The following NKAIN3 variants were observed in gnomAD, a reference collection of about 807,000 sequenced individuals.
NKAIN3 encodes the protein sodium/potassium-transporting ATPase subunit beta-1-interacting protein 3.
A neutral mutation model predicts 30.2 loss-of-function variants in NKAIN3; 25 were observed. The ratio of observed to expected loss-of-function variants is 0.83; its 90% CI spans 0.60 to 1.16. The LOEUF is 1.16. Ranked by LOEUF, NKAIN3 falls within the 50% of genes most tolerant of loss-of-function variation. The pLI, the probability that NKAIN3 is intolerant of heterozygous loss-of-function variation, is 0.00. For missense variants in NKAIN3, 225 were observed against 254.1 expected, an observed-to-expected ratio of 0.89 and a Z score of 0.78; for synonymous variants, 91 against 89.6, an observed-to-expected ratio of 1.02 and a Z score of -0.09.
At chr8:62,486,662 G>T (rs1415355817) in intron 1 of NKAIN3, among the ~76,000 whole-genome samples, 1 of 152,164 alleles carries the variant, frequency 6.6e-6, no homozygotes, top group Non-Finnish European at 1.5e-5. Context: ...CTAACACACA[G>T]AGAAAACTTC....
intron 1 of NKAIN3, among the ~76,000 whole-genome samples, chr8:62,448,341 A>G (rs2129598683): frequency 6.6e-6 from 1 of 151,788 alleles, no homozygotes; most frequent in African/African-American, 2.4e-5. Context: ...TATTACGGAA[A>G]ACTTTTAGTT....
At chr8:62,286,212 A>G (rs1007561428) in intron 1 of NKAIN3, among the ~76,000 whole-genome samples, 4 of 152,124 alleles carry the variant, frequency 2.6e-5, no homozygotes, top group Non-Finnish European at 5.9e-5. Flanking sequence ...CAGGACACTA[A>G]CCCCTTTGTA....
chr8:62,851,490 T>C (rs1371470296), intron 4 of NKAIN3, among the ~76,000 whole-genome samples: 3 of 152,226 alleles, frequency 2.0e-5, no homozygotes, highest in African/African-American at 7.2e-5. Flanking sequence ...CTTCCAACAC[T>C]ATTTTTAATA....
At chr8:62,775,127 C>G (rs1165060693) in intron 4 of NKAIN3, among the ~76,000 whole-genome samples, 2 of 152,046 alleles carry the variant, frequency 1.3e-5, no homozygotes, top group Non-Finnish European at 2.9e-5. Context: ...ATGGTTCAAT[C>G]TTGGGAGGTT....
intron 1 of NKAIN3, among the ~76,000 whole-genome samples, chr8:62,424,930 A>G (rs1020001498): frequency 1.3e-5 from 2 of 151,916 alleles, no homozygotes; most frequent in African/African-American, 4.8e-5. Context: ...TATGATGTGT[A>G]CATACAATGA....
chr8:62,350,993 T>A (rs1816162323), intron 1 of NKAIN3, among the ~76,000 whole-genome samples: 1 of 151,696 alleles, frequency 6.6e-6, no homozygotes. Context: ...CCCAGCCGAG[T>A]AATGAGCTTT....
At position 62,975,050 on chromosome 8, in the gene NKAIN3, G is replaced by A. The variant is rs918214010; in HGVS notation, c.*9643G>A. Among the ~76,000 whole-genome samples, 1 of 152,122 alleles carries A rather than the reference G, an allele frequency of 6.6e-6. No individual in the cohort carries two copies. Among genetic ancestry groups the A allele is most frequent in the African/African-American group, 2.4e-5 (1 of 41,432 alleles). ...TGGGTAAGCTTTTTAATGTACTGCT[G>A]CATTTCTTTTGCCAGTGTTTCATTG... is the stretch of plus-strand genomic sequence containing the variant. On this transcript the variant is annotated 3_prime_UTR_variant, in exon 7 of 7. Transcript: ENST00000623646.
At chr8:62,473,436 GA>G (rs1453415614) in intron 1 of NKAIN3, 10 of 152,130 alleles carry the variant, frequency 6.6e-5, no homozygotes, top group Admixed American at 2.6e-4. Context: ...AAAACCTGAG[GA>G]AAAACATAAA....
chr8:62,843,107 G>A (rs1819578473), intron 4 of NKAIN3, among the ~76,000 whole-genome samples: 1 of 151,896 alleles, frequency 6.6e-6, no homozygotes, highest in Non-Finnish European at 1.5e-5. Context: ...GTCTTTACAA[G>A]TGGAAGAGAG....
chr8:62,924,911 G>A (rs991408372), intron 5 of NKAIN3, among the ~76,000 whole-genome samples: 1 of 151,980 alleles, frequency 6.6e-6, no homozygotes, highest in African/African-American at 2.4e-5. Context: ...TTTTATAAGG[G>A]CACTAACCCA....
intron 1 of NKAIN3, among the ~76,000 whole-genome samples, chr8:62,391,735 A>G (rs972500783): frequency 3.3e-5 from 5 of 152,078 alleles, no homozygotes; most frequent in African/African-American, 9.6e-5. Context: ...ATGGATAATA[A>G]GAAACGTTAT....
chr8:62,930,840 A>G (rs548293916), intron 5 of NKAIN3, among the ~76,000 whole-genome samples: 35 of 151,704 alleles, frequency 2.3e-4, no homozygotes, highest in African/African-American at 8.0e-4. Context: ...AGTAGCTGGG[A>G]CTGCAGGTGC....
intron 1 of NKAIN3, among the ~76,000 whole-genome samples, chr8:62,504,145 G>A (rs1807555913): frequency 6.6e-6 from 1 of 152,136 alleles, no homozygotes; most frequent in Admixed American, 6.5e-5. Context: ...GCACATGCAA[G>A]GGATCTGGGT....
chr8:62,834,960 TG>T (rs1340777625), intron 4 of NKAIN3, among the ~76,000 whole-genome samples: 3 of 152,044 alleles, frequency 2.0e-5, no homozygotes, highest in Non-Finnish European at 2.9e-5. Context: ...CAAAACAGCA[TG>T]GTACTGGTAC....
chr8:62,680,091 G>A (rs778978135), intron 3 of NKAIN3, among the ~76,000 whole-genome samples: 1 of 152,186 alleles, frequency 6.6e-6, no homozygotes, highest in Non-Finnish European at 1.5e-5. Flanking sequence ...CATCATTGCT[G>A]ACTCTGAAGG....
intron 1 of NKAIN3, among the ~76,000 whole-genome samples, chr8:62,320,278 C>G (rs1478327380): frequency 1.3e-5 from 2 of 152,122 alleles, no homozygotes; most frequent in Non-Finnish European, 2.9e-5. Context: ...GGGCCTGACT[C>G]TTTATCCAAT....
chr8:62,910,680 C>A (rs1414292645), intron 4 of NKAIN3, among the ~76,000 whole-genome samples: 6 of 151,548 alleles, frequency 4.0e-5, no homozygotes, highest in Non-Finnish European at 5.9e-5. Context: ...AGTCCTCTTA[C>A]AACAGTGGAA....
intron 1 of NKAIN3, among the ~76,000 whole-genome samples, chr8:62,256,075 C>T (rs1183143903): frequency 6.6e-5 from 10 of 152,008 alleles, no homozygotes; most frequent in Admixed American, 6.6e-4. Flanking sequence ...CAGTTGAGAG[C>T]CGAGTTAGCT....
At chr8:62,720,132 T>C (rs1344577778) in intron 3 of NKAIN3, among the ~76,000 whole-genome samples, 1 of 152,178 alleles carries the variant, frequency 6.6e-6, no homozygotes, top group Non-Finnish European at 1.5e-5. Flanking sequence ...TTATGTAGGA[T>C]TGTGTCAAAA....
Sources: gnomAD v4.1 joint callset for allele counts (sites outside exome capture counted in the v4.1 genomes callset) on GRCh38, gnomAD v4.1.1 for gene constraint, MANE v1.5 for transcripts, NCBI Gene and HGNC (gene_info 2026-07-23, HGNC 2026-07-21) for gene names.